EYS: variants seen among roughly 807,000 people sequenced by gnomAD.
EYS encodes the protein EGF-like photoreceptor maintenance factor.
In EYS, 250 loss-of-function variants were observed where a neutral mutation model predicts 282.1. The observed-to-expected ratio is 0.89, with a 90% CI of 0.80 to 0.98. The LOEUF (loss-of-function observed/expected upper bound fraction) is 0.98, where lower values mean the gene tolerates loss of function less well. EYS is among the 50% of genes least tolerant of loss of function. The probability of loss-of-function intolerance (pLI) is 0.00; values close to 1 mark genes in which losing one functional copy is unlikely to be tolerated. For synonymous variants in EYS, 1,355 were observed against 1,282.9 expected (o/e 1.06, Z -1.20); for missense variants, 4,016 against 3,709.0 (o/e 1.08, Z -2.15).
intron 31 of EYS, among the ~76,000 whole-genome samples, chr6:64,181,641 CTTAA>C (rs1562241410): frequency 6.6e-6 from 1 of 152,056 alleles, no homozygotes; most frequent in Non-Finnish European, 1.5e-5. Flanking sequence ...CATTAGATTA[CTTAA>C]TTATCAGAAA....
chr6:64,725,012 A>C (rs1303357986), intron 22 of EYS, among the ~76,000 whole-genome samples: 1 of 152,080 alleles, frequency 6.6e-6, no homozygotes, highest in East Asian at 1.9e-4. Flanking sequence ...TCCAAAATAC[A>C]CCAAAAATGT....
chr6:64,139,528 G>A (rs944894282), intron 31 of EYS, among the ~76,000 whole-genome samples: 8 of 152,170 alleles, frequency 5.3e-5, no homozygotes, highest in Admixed American at 1.3e-4. Flanking sequence ...CTGATCTTGA[G>A]ATTTTAGTTT....
intron 13 of EYS, among the ~76,000 whole-genome samples, chr6:65,042,711 A>G (rs1772976298): frequency 6.6e-6 from 1 of 151,486 alleles, no homozygotes. Context: ...TTTAAAAAAT[A>G]AAAATTTTGT....
At chr6:65,010,164 G>C (rs1280992402) in intron 13 of EYS, among the ~76,000 whole-genome samples, 1 of 152,190 alleles carries the variant, frequency 6.6e-6, no homozygotes, top group African/African-American at 2.4e-5. Flanking sequence ...CCTTACACAG[G>C]TCCGAGGGAC....
chr6:65,025,407 A>T (rs1772378120), intron 13 of EYS, among the ~76,000 whole-genome samples: 2 of 152,236 alleles, frequency 1.3e-5, no homozygotes, highest in Non-Finnish European at 2.9e-5. Context: ...TGAATGTATA[A>T]ATCTGAATCC....
chr6:65,454,367 C>A (rs1341322981), intron 5 of EYS, among the ~76,000 whole-genome samples: 1 of 151,540 alleles, frequency 6.6e-6, no homozygotes, highest in African/African-American at 2.4e-5. Flanking sequence ...ATTATTTGTT[C>A]TTTTGCTGTT....
intron 5 of EYS, among the ~76,000 whole-genome samples, chr6:65,478,685 TTTAG>T (rs931463293): frequency 1.3e-5 from 2 of 152,136 alleles, no homozygotes; most frequent in Admixed American, 6.5e-5. Context: ...CATAATTGAT[TTTAG>T]TTAAATATCC....
intron 22 of EYS, among the ~76,000 whole-genome samples, chr6:64,745,492 A>G (rs1006639953): frequency 2.6e-5 from 4 of 152,134 alleles, no homozygotes; most frequent in Non-Finnish European, 5.9e-5. Context: ...TTGTATAACC[A>G]TCACCTCTAT....
intron 19 of EYS, among the ~76,000 whole-genome samples, chr6:64,871,329 A>G (rs1242260583): frequency 1.3e-5 from 2 of 151,810 alleles, no homozygotes; most frequent in African/African-American, 4.8e-5. Flanking sequence ...CTTCTCAAAA[A>G]AAAAAAAAAA....
At chr6:65,513,889 G>T (rs941828267) in intron 2 of EYS, among the ~76,000 whole-genome samples, 1 of 152,202 alleles carries the variant, frequency 6.6e-6, no homozygotes, top group Non-Finnish European at 1.5e-5. Flanking sequence ...ACAAGACAGG[G>T]CTGCCCTCTC....
chr6:65,656,437 C>A (rs1036207930), intron 1 of EYS, among the ~76,000 whole-genome samples: 1 of 151,746 alleles, frequency 6.6e-6, no homozygotes, highest in African/African-American at 2.4e-5. Flanking sequence ...TTTCAGTGAA[C>A]GTATGAATGA....
chr6:64,384,743 G>A (rs578028093), intron 29 of EYS, among the ~76,000 whole-genome samples: 1 of 152,290 alleles, frequency 6.6e-6, no homozygotes, highest in South Asian at 2.1e-4. Flanking sequence ...GACCTTGAAA[G>A]TTATCATCAT....
chr6:64,946,474 C>T (rs970163373), intron 14 of EYS, among the ~76,000 whole-genome samples: 11 of 151,878 alleles, frequency 7.2e-5, no homozygotes, highest in African/African-American at 1.9e-4. Flanking sequence ...TAAAATTTTG[C>T]TTTCCTAGTA....
At chr6:64,813,675 T>C (rs1764665804) in intron 21 of EYS, 98 bp from the exon 22 acceptor site, 1 of 704,812 alleles carries the variant, frequency 1.4e-6, no homozygotes, top group Non-Finnish European at 2.1e-6. Flanking sequence ...AAAAAACTGA[T>C]GTGCAAACTT....
chr6:64,307,100 A>G lies in EYS; in HGVS notation c.6079-18T>C, dbSNP rs926199105. The G allele has an allele frequency of 6.3e-6, 7 of 1,117,074 alleles. No individual in the cohort carries two copies. Among genetic ancestry groups the G allele is most frequent in the Non-Finnish European group, 9.3e-6 (7 of 756,088 alleles). The allele number at this position is 1,117,074 out of a possible 1,614,324, so 69.2% of individuals were successfully genotyped here. A position where few individuals can be genotyped will look rare whatever the true frequency, so the allele number is the denominator to read the frequency against. On this transcript the variant is annotated intron_variant, in intron 29 of 42. Coordinates refer to ENST00000503581, the MANE Select transcript of EYS (RefSeq NM_001142800.2). ...ACAGGCATCTGAGAGAGAGAGAGAG[A>G]GAGAGAAGTAGAGATAATTTAAATG... is the stretch of plus-strand genomic sequence containing the variant.
intron 35 of EYS, among the ~76,000 whole-genome samples, chr6:63,914,569 A>G (rs423606): frequency 0.7 from 106,648 of 151,840 alleles, 37,602 homozygotes; most frequent in Non-Finnish European, 0.73. Context: ...TTAGTTGGGC[A>G]TGGTTACAGG....
intron 1 of EYS, among the ~76,000 whole-genome samples, chr6:65,675,924 G>A (rs1218526805): frequency 6.6e-6 from 1 of 151,712 alleles, no homozygotes; most frequent in Non-Finnish European, 1.5e-5. Flanking sequence ...AATAAAAATA[G>A]AAATCAATAC....
At chr6:65,319,204 C>CAAA (rs55687610) in intron 11 of EYS, among the ~76,000 whole-genome samples, 973 of 44,330 alleles carry the variant, frequency 0.022, 70 homozygotes, top group African/African-American at 0.056. Flanking sequence ...ACTAAAAATG[C>CAAA]AAAAAAAAAA....
At chr6:63,851,847 A>G (rs1462042526) in intron 36 of EYS, among the ~76,000 whole-genome samples, 1 of 152,102 alleles carries the variant, frequency 6.6e-6, no homozygotes, top group Admixed American at 6.5e-5. Flanking sequence ...AGATAGAGAC[A>G]CAAAAAACCC....
Sources: gnomAD v4.1 joint callset for allele counts (sites outside exome capture counted in the v4.1 genomes callset) on GRCh38, gnomAD v4.1.1 for gene constraint, MANE v1.5 for transcripts, NCBI Gene and HGNC (gene_info 2026-07-23, HGNC 2026-07-21) for gene names.